The following SPPL3 variants were observed in gnomAD, a reference collection of about 807,000 sequenced individuals.
SPPL3 encodes the protein signal peptide peptidase-like 3.
A neutral mutation model predicts 42.4 loss-of-function variants in SPPL3; 5 were observed. That is an observed-to-expected ratio of 0.12 (90% CI 0.06 to 0.25). SPPL3 has a LOEUF of 0.25. Among genes scored for constraint, SPPL3 ranks in the 10% least tolerant of loss-of-function variants. SPPL3 has a pLI of 1.00. For synonymous variants in SPPL3, 195 were observed against 181.8 expected (o/e 1.07, Z -0.58); for missense variants, 235 against 489.0 (o/e 0.48, Z 4.90).
intron 1 of SPPL3, chr12:120,811,089 CTAT>C: frequency 2.4e-6 from 1 of 415,058 alleles, no homozygotes; most frequent in African/African-American, 2.1e-5. Flanking sequence ...AGGTTTACAG[CTAT>C]TATTAGTAAA....
At chr12:120,896,541 T>C (rs1411987792) in intron 1 of SPPL3, among the ~76,000 whole-genome samples, 2 of 152,160 alleles carry the variant, frequency 1.3e-5, no homozygotes, top group African/African-American at 2.4e-5. Context: ...TTTAGGAGGC[T>C]GAGGCAGGTG....
At chr12:120,847,284 T>TTTTA (rs1028585470) in intron 1 of SPPL3, among the ~76,000 whole-genome samples, 38 of 152,130 alleles carry the variant, frequency 2.5e-4, no homozygotes, top group African/African-American at 7.0e-4. Context: ...TTCAGTTTAT[T>TTTTA]TTTATTTATT....
intron 8 of SPPL3, among the ~76,000 whole-genome samples, chr12:120,767,795 C>A (rs1173436579): frequency 1.3e-5 from 2 of 152,172 alleles, no homozygotes; most frequent in East Asian, 3.8e-4. Context: ...TCCACCTTGG[C>A]CCCCCTGTTT....
At chr12:120,898,815 C>T (rs138098575) in intron 1 of SPPL3, among the ~76,000 whole-genome samples, 27 of 152,262 alleles carry the variant, frequency 1.8e-4, no homozygotes, top group African/African-American at 5.8e-4. Context: ...TAGCAATGCT[C>T]GTAAAACTCT....
chr12:120,765,099 A>C (rs752408368), intron 10 of SPPL3, 29 bp from the exon 11 acceptor site: 2 of 1,610,880 alleles, frequency 1.2e-6, no homozygotes. Context: ...TCTAAGTTAC[A>C]GATTTAAACA....
rs1868998311 is a variant in SPPL3, at chr12:120,768,736, C to T, written c.609+217G>A. 4 of 630,038 alleles carry T rather than the reference C, an allele frequency of 6.3e-6. No homozygotes were observed. In the African/African-American group the frequency reaches 7.4e-5, roughly 12 times the overall value. The allele number at this position is 630,038 out of a possible 1,614,324, so 39.0% of individuals were successfully genotyped here. On this transcript the variant is annotated intron_variant, in intron 7 of 10. Coordinates refer to ENST00000353487, the MANE Select transcript of SPPL3 (RefSeq NM_139015.5). Reference sequence around the variant, plus strand: ...GAATCTTGTCAGCCTGTTACCTCTTCTATCCTAGGAGTCACACACACACAC... The same window carrying T: ...GAATCTTGTCAGCCTGTTACCTCTTTTATCCTAGGAGTCACACACACACAC...
At chr12:120,901,590 T>TAAAAA (rs754148484) in intron 1 of SPPL3, among the ~76,000 whole-genome samples, 1 of 103,442 alleles carries the variant, frequency 9.7e-6, no homozygotes, top group African/African-American at 3.8e-5. Context: ...GACTCCGTCC[T>TAAAAA]AAAAAAAAAA....
chr12:120,835,877 T>A (rs1055157215), intron 1 of SPPL3, among the ~76,000 whole-genome samples: 7 of 152,190 alleles, frequency 4.6e-5, no homozygotes, highest in Non-Finnish European at 1.0e-4. Flanking sequence ...CCCTTGAGAA[T>A]CCTTAGATTT....
At chr12:120,856,029 C>T (rs1323703137) in intron 1 of SPPL3, among the ~76,000 whole-genome samples, 1 of 152,206 alleles carries the variant, frequency 6.6e-6, no homozygotes, top group East Asian at 1.9e-4. Flanking sequence ...AGTAATATTA[C>T]AGCACTGTCC....
intron 1 of SPPL3, among the ~76,000 whole-genome samples, chr12:120,871,127 C>T (rs1872906905): frequency 1.2e-4 from 1 of 8,520 alleles, no homozygotes; most frequent in Non-Finnish European, 2.7e-4. Flanking sequence ...GAGACTCCGT[C>T]TCCAAAAAAA....
In SPPL3 at chr12:120,764,619, T is replaced by TTTTTCATCC; in HGVS notation, c.*371_*379dup. On this transcript the variant is annotated 3_prime_UTR_variant, in exon 11 of 11. Coordinates refer to ENST00000353487, the MANE Select transcript of SPPL3 (RefSeq NM_139015.5). ...TTGAAGAAACTTCGGTTTGCTAATT[T>TTTTTCATCC]TTTTCATCCTTTTAGTGTTCAAAAG... The TTTTTCATCC allele has an allele frequency of 2.7e-6, 1 of 368,984 alleles. No homozygotes were observed. The highest frequency in any genetic ancestry group is 4.8e-6 in the Non-Finnish European group (1 of 207,938). 22.9% of individuals were successfully genotyped at this position (368,984 alleles called of 1,614,324 possible). A position where few individuals can be genotyped will look rare whatever the true frequency, so the allele number is the denominator to read the frequency against.
intron 1 of SPPL3, among the ~76,000 whole-genome samples, chr12:120,837,920 G>C (rs1487451732): frequency 3.3e-5 from 5 of 152,132 alleles, no homozygotes; most frequent in Non-Finnish European, 7.4e-5. Flanking sequence ...TGTAATCCCA[G>C]CTACTGGGAG....
At chr12:120,772,414 T>C (rs948618697) in intron 6 of SPPL3, among the ~76,000 whole-genome samples, 1 of 152,230 alleles carries the variant, frequency 6.6e-6, no homozygotes, top group Non-Finnish European at 1.5e-5. Flanking sequence ...TACATACTGG[T>C]AAGTTTATTC....
In SPPL3 at chr12:120,840,661, A is replaced by C. The variant is rs544289113; in HGVS notation, c.24-29775T>G. ...AGCCTGGGCAATATGGAAAAACCCT[A>C]TCTCTACAAAAAATACAAAAATAGC... is the stretch of plus-strand genomic sequence containing the variant. On this transcript the variant is annotated intron_variant, in intron 1 of 10. Coordinates refer to ENST00000353487, the MANE Select transcript of SPPL3 (RefSeq NM_139015.5). Among the ~76,000 whole-genome samples the C allele has an allele frequency of 3.0e-3, 457 of 151,946 alleles. 1 individual carries two copies. The highest frequency in any genetic ancestry group is 0.011 in the African/African-American group (447 of 41,440).
intron 2 of SPPL3, among the ~76,000 whole-genome samples, chr12:120,797,408 A>G (rs1870137453): frequency 6.6e-6 from 1 of 152,132 alleles, no homozygotes; most frequent in Non-Finnish European, 1.5e-5. Flanking sequence ...AATAAGTATG[A>G]CGGGAAAACT....
chr12:120,851,115 A>G (rs1872207476), intron 1 of SPPL3, among the ~76,000 whole-genome samples: 2 of 152,222 alleles, frequency 1.3e-5, no homozygotes, highest in Non-Finnish European at 2.9e-5. Flanking sequence ...TACCTACAGT[A>G]TCTCGTTTAG....
Position 120,827,349 on chromosome 12 carries a change from TAATAATATAATAATATA to T in SPPL3, c.24-16480_24-16464del, listed in dbSNP as rs1323931596. Reference sequence around the variant, plus strand: ...GGAACAATAATAATAATAATAATAATAATAATATAATAATATAATAATAATAACAATAATAATAATAA... The same window carrying T: ...GGAACAATAATAATAATAATAATAATATAATAATAACAATAATAATAATAA... On this transcript the variant is annotated intron_variant, in intron 1 of 10. Transcript: ENST00000353487. 4.4e-5 allele frequency among the ~76,000 whole-genome samples: 6 copies of T among 135,328 alleles called. No individual in the cohort carries two copies. The South Asian group carries it at 9.4e-4, about 21-fold the overall frequency. The allele number at this position is 135,328 out of a possible 152,430, so 88.8% of individuals were successfully genotyped here.
At chr12:120,824,116 C>T (rs924003114) in intron 1 of SPPL3, among the ~76,000 whole-genome samples, 18 of 151,894 alleles carry the variant, frequency 1.2e-4, no homozygotes, top group South Asian at 4.2e-4. Context: ...GTGATTTGCC[C>T]GCCTCAGCCT....
At chr12:120,895,053 T>G (rs1366364711) in intron 1 of SPPL3, among the ~76,000 whole-genome samples, 2 of 152,166 alleles carry the variant, frequency 1.3e-5, no homozygotes, top group African/African-American at 2.4e-5. Context: ...CAGGGAAAGA[T>G]GAGGATCATC....
Sources: gnomAD v4.1 joint callset for allele counts (sites outside exome capture counted in the v4.1 genomes callset) on GRCh38, gnomAD v4.1.1 for gene constraint, MANE v1.5 for transcripts, NCBI Gene and HGNC (gene_info 2026-07-23, HGNC 2026-07-21) for gene names.